The following C12orf50 variants were observed in gnomAD, a reference collection of about 807,000 sequenced individuals.
C12orf50 encodes the protein zinc finger CCCH-type containing 11D, also known as uncharacterized protein C12orf50.
Under a neutral mutation model 61.6 loss-of-function variants are expected in C12orf50, and 35 were observed. The ratio of observed to expected loss-of-function variants is 0.57; its 90% confidence interval spans 0.43 to 0.75. The LOEUF is 0.75. Among genes scored for constraint, C12orf50 ranks in the 30% least tolerant of loss-of-function variants. C12orf50 has a pLI of 0.00. For synonymous variants in C12orf50, 178 were observed against 161.5 expected (o/e 1.10, Z -0.77); for missense variants, 475 against 488.5 (o/e 0.97, Z 0.26).
intron 3 of C12orf50, among the ~76,000 whole-genome samples, chr12:88,008,781 A>G (rs929230981): frequency 2.0e-5 from 3 of 152,076 alleles, no homozygotes; most frequent in Non-Finnish European, 4.4e-5. Context: ...CCCCATACCC[A>G]CAATAGGTAT....
At chr12:88,028,233 G>A (rs1487409708) in intron 1 of C12orf50, among the ~76,000 whole-genome samples, 1 of 152,090 alleles carries the variant, frequency 6.6e-6, no homozygotes, top group Non-Finnish European at 1.5e-5. Flanking sequence ...CTGCCCACCT[G>A]GGACATGAAA....
chr12:87,995,106 A>G (rs372421068), intron 6 of C12orf50, among the ~76,000 whole-genome samples: 3 of 152,200 alleles, frequency 2.0e-5, no homozygotes, highest in East Asian at 3.8e-4. Context: ...AAAAAGTATT[A>G]GAGTCACTAT....
rs1352366753 is a variant in C12orf50 at position 87,985,860 on chromosome 12, G to T, written c.1116C>A (p.Asn372Lys). Residue 372 changes from asparagine to lysine, a missense_variant, in exon 11 of 13, where the codon AAC (asparagine) becomes AAA (lysine). Coordinates refer to ENST00000298699, the MANE Select transcript of C12orf50 (RefSeq NM_152589.3). The stretch of plus-strand genomic sequence containing the variant: ...AACAAAGGACCTCACCTGGACTGAG[G>T]TTGGGTTTGGGTTCCCTGTTAGCAT... The part of the protein sequence containing the change: ...KVHANREPKP[N>K]LSPDKYTSTS... The T allele has an allele frequency of 1.2e-6, 2 of 1,612,680 alleles. No individual in the cohort carries two copies. The highest frequency in any genetic ancestry group is 2.2e-5 in the East Asian group (1 of 44,878).
chr12:88,011,932 C>T (rs185335843), intron 3 of C12orf50, among the ~76,000 whole-genome samples: 44 of 152,234 alleles, frequency 2.9e-4, no homozygotes, highest in Non-Finnish European at 4.3e-4. Flanking sequence ...CAGATAAGCA[C>T]GTAGAATTGG....
In C12orf50 at chr12:87,994,707, T is replaced by C. The variant is rs370384326; in HGVS notation, c.518A>G (p.Tyr173Cys). The change falls in exon 7 of 13, where the codon TAT becomes TGT. Residue 173 changes from tyrosine to cysteine, a missense_variant. Coordinates refer to ENST00000298699, the MANE Select transcript of C12orf50 (RefSeq NM_152589.3). ...SLTVPTKLSQ[Y>C]ERQGEIKTSL... ...TGTTTTTATTTCACCTTGCCTTTCA[T>C]ATTGGCTAAGTTTTGTCGGAACTGT... is the stretch of plus-strand genomic sequence containing the variant. 6 of 1,613,354 alleles carry C rather than the reference T, an allele frequency of 3.7e-6. No individual in the cohort carries two copies. The highest frequency in any genetic ancestry group is 5.1e-6 in the Non-Finnish European group (6 of 1,179,588).
Position 87,995,130 on chromosome 12 carries a change from C to T in C12orf50, c.482-387G>A, listed in dbSNP as rs192443004. On this transcript the variant is annotated intron_variant, in intron 6 of 12. Transcript: ENST00000298699. ...TAGAGTCACTATTGACTACAAAATG[C>T]TAACTACACTGATAATTAAATAATA... Among the ~76,000 whole-genome samples the T allele has an allele frequency of 4.3e-4, 65 of 152,140 alleles. 1 individual carries two copies. The highest frequency in any genetic ancestry group is 9.0e-4 in the Non-Finnish European group (61 of 67,978).
chr12:88,019,661 A>G (rs2032442694), intron 3 of C12orf50, among the ~76,000 whole-genome samples: 1 of 152,170 alleles, frequency 6.6e-6, no homozygotes, highest in Non-Finnish European at 1.5e-5. Flanking sequence ...AACTCTGCAC[A>G]TGTAAGAGAT....
intron 3 of C12orf50, among the ~76,000 whole-genome samples, chr12:88,023,982 G>A (rs188204232): frequency 5.0e-4 from 76 of 152,140 alleles, no homozygotes; most frequent in Admixed American, 2.8e-3. Flanking sequence ...GCACGTGAAC[G>A]CTTTTCAAAA....
rs979536567 is a variant in C12orf50, at chr12:88,029,346, T to A, written c.-115A>T. ...CATTTAAATTAGAAGATACCTTCTC[T>A]AGCTTTGCAGAAACGCTGAAAGTGG... On this transcript the variant is annotated 5_prime_UTR_variant, in exon 1 of 13. Coordinates refer to ENST00000298699, the MANE Select transcript of C12orf50 (RefSeq NM_152589.3). 14 of 178,288 alleles carry A rather than the reference T, an allele frequency of 7.9e-5. No individual in the cohort carries two copies. The South Asian group carries it at 1.2e-3, about 15-fold the overall frequency. 11.0% of individuals were successfully genotyped at this position (178,288 alleles called of 1,614,324 possible). A position where few individuals can be genotyped will look rare whatever the true frequency, so the allele number is the denominator to read the frequency against.
At chr12:88,014,929 G>A (rs1387847066) in intron 3 of C12orf50, among the ~76,000 whole-genome samples, 1 of 152,222 alleles carries the variant, frequency 6.6e-6, no homozygotes, top group African/African-American at 2.4e-5. Flanking sequence ...AAAGCAAGAT[G>A]TGGAGTTCTT....
At position 87,980,096 on chromosome 12, in the gene C12orf50, C is replaced by T; in HGVS notation, c.*235G>A. On this transcript the variant is annotated 3_prime_UTR_variant, in exon 13 of 13. Transcript: ENST00000298699. The stretch of plus-strand genomic sequence containing the variant: ...TTGGAGTAATGCACGGAATGAATTC[C>T]AGACCTACATAAATACACTGGCAGC... The T allele has an allele frequency of 6.0e-6, 3 of 501,272 alleles. No homozygotes were observed. The highest frequency in any genetic ancestry group is 3.5e-6 in the Non-Finnish European group (1 of 285,926). The allele number at this position is 501,272 out of a possible 1,614,324, so 31.1% of individuals were successfully genotyped here. A position where few individuals can be genotyped will look rare whatever the true frequency, so the allele number is the denominator to read the frequency against.
intron 4 of C12orf50, 129 bp from the exon 5 acceptor site, chr12:87,996,775 T>A: frequency 4.7e-6 from 3 of 641,578 alleles, no homozygotes; most frequent in Non-Finnish European, 7.9e-6. Context: ...CTAAAATCAA[T>A]AATTTTACAT....
chr12:87,986,695 CA>C (rs148280441), intron 9 of C12orf50, among the ~76,000 whole-genome samples: 3,475 of 152,150 alleles, frequency 0.023, 139 homozygotes, highest in African/African-American at 0.078. Flanking sequence ...TTTAAAGGAA[CA>C]TAAAATTGCA....
chr12:87,997,935 G>A (rs1365659897), intron 4 of C12orf50, 100 bp downstream of exon 4: 1 of 842,664 alleles, frequency 1.2e-6, no homozygotes, highest in Non-Finnish European at 1.7e-6. Flanking sequence ...AGCAAAATCT[G>A]CCTTATATAT....
intron 3 of C12orf50, among the ~76,000 whole-genome samples, chr12:88,022,173 T>G (rs532306334): frequency 6.6e-5 from 10 of 151,716 alleles, no homozygotes; most frequent in Non-Finnish European, 8.8e-5. Context: ...ATCCTTGGGA[T>G]GCAAGGTTGG....
intron 3 of C12orf50, among the ~76,000 whole-genome samples, chr12:88,011,789 C>T (rs368998948): frequency 1.3e-5 from 2 of 152,266 alleles, no homozygotes; most frequent in African/African-American, 4.8e-5. Flanking sequence ...GAAGGAAACA[C>T]GGATCCAGCT....
At chr12:88,012,840 G>A (rs1180227981) in intron 3 of C12orf50, among the ~76,000 whole-genome samples, 1 of 152,112 alleles carries the variant, frequency 6.6e-6, no homozygotes, top group Non-Finnish European at 1.5e-5. Context: ...CAAGGTGAGT[G>A]AATTGCTTGA....
chr12:87,996,636 A>G lies in C12orf50; in HGVS notation c.300T>C (p.Ser100=). 6.2e-7 allele frequency: 1 copy of G among 1,604,686 alleles called. No homozygotes were observed. Among genetic ancestry groups the G allele is most frequent in the Non-Finnish European group, 8.5e-7 (1 of 1,172,340 alleles). The change falls in exon 5 of 13, where the codon AGT becomes AGC. Residue 100 remains serine (S), a synonymous_variant. Transcript: ENST00000298699. ...EEVDEQNDAS[S]LWTKTPEEIE... is the part of the protein sequence containing the mutation. Reference sequence around the variant, plus strand: ...TTTCTTCAGGGGTCTTTGTCCATAAACTAGAAGCATCTATAGGATATAGAT... The same window carrying G: ...TTTCTTCAGGGGTCTTTGTCCATAAGCTAGAAGCATCTATAGGATATAGAT...
chr12:88,018,368 G>T (rs974191222), intron 3 of C12orf50, among the ~76,000 whole-genome samples: 1 of 152,242 alleles, frequency 6.6e-6, no homozygotes, highest in Non-Finnish European at 1.5e-5. Flanking sequence ...ATTGGGGTTT[G>T]GGAACCTCTG....
Sources: allele counts gnomAD v4.1 joint callset (sites outside exome capture counted in the v4.1 genomes callset), GRCh38; gene constraint gnomAD v4.1.1; transcripts MANE v1.5; gene names NCBI Gene and HGNC (gene_info 2026-07-23, HGNC 2026-07-21).